MYOM1: variants seen among roughly 807,000 people sequenced by gnomAD.
MYOM1 encodes the protein myomesin-1.
Under a neutral mutation model 205.3 loss-of-function variants are expected in MYOM1, and 164 were observed. The observed-to-expected ratio is 0.80, with a 90% CI of 0.70 to 0.91. The LOEUF (loss-of-function observed/expected upper bound fraction) is 0.91, where lower values mean the gene tolerates loss of function less well. Among genes scored for constraint, MYOM1 ranks in the 40% least tolerant of loss-of-function variants. The probability of loss-of-function intolerance (pLI) is 0.00; values close to 1 mark genes in which losing one functional copy is unlikely to be tolerated. For synonymous variants in MYOM1, 772 were observed against 789.4 expected, an observed-to-expected ratio of 0.98 and a Z score of 0.37; for missense variants, 2,011 against 2,127.3, an observed-to-expected ratio of 0.95 and a Z score of 1.08.
intron 2 of MYOM1, among the ~76,000 whole-genome samples, chr18:3,207,697 C>A (rs1452866238): frequency 6.6e-6 from 1 of 152,232 alleles, no homozygotes; most frequent in Admixed American, 6.5e-5. Context: ...CCAGTGCCGA[C>A]ACTATGGAGG....
chr18:3,165,748 T>G (rs1454884319), intron 9 of MYOM1, among the ~76,000 whole-genome samples: 1 of 152,226 alleles, frequency 6.6e-6, no homozygotes, highest in Non-Finnish European at 1.5e-5. Context: ...CCAGGCAATC[T>G]GTCCCCACAC....
In MYOM1 at chr18:3,165,444, C is replaced by T. The variant is rs545781061; in HGVS notation, c.1340-1005G>A. Among the ~76,000 whole-genome samples the T allele has an allele frequency of 3.9e-5, 6 of 151,968 alleles. No homozygotes were observed. In the South Asian group the frequency reaches 1.0e-3, roughly 26 times the overall value. On this transcript the variant is annotated intron_variant, in intron 9 of 37. Coordinates refer to ENST00000356443, the MANE Select transcript of MYOM1 (RefSeq NM_003803.4). Reference sequence around the variant, plus strand: ...TAAGTGGTAATTTTAAAACTGTCTTCCTTGTTAATAATAGGCTTATCCAAA... The same window carrying T: ...TAAGTGGTAATTTTAAAACTGTCTTTCTTGTTAATAATAGGCTTATCCAAA...
chr18:3,097,998 A>C (rs76791440), intron 25 of MYOM1, among the ~76,000 whole-genome samples: 10,729 of 152,224 alleles, frequency 0.07, 391 homozygotes, highest in South Asian at 0.084. Context: ...CCAACCTTTA[A>C]GCTGAATGTA....
intron 12 of MYOM1, among the ~76,000 whole-genome samples, chr18:3,149,620 AGAG>A (rs1171037815): frequency 6.6e-6 from 1 of 152,234 alleles, no homozygotes; most frequent in East Asian, 1.9e-4. Flanking sequence ...ATAAGATGAA[AGAG>A]GAGAGGGGGT....
At chr18:3,143,992 G>A (rs1407865738) in intron 13 of MYOM1, among the ~76,000 whole-genome samples, 1 of 150,996 alleles carries the variant, frequency 6.6e-6, no homozygotes, top group East Asian at 1.9e-4. Flanking sequence ...GGATCACAAG[G>A]TCAGGAGATC....
At chr18:3,177,898 A>G (rs2080670956) in intron 5 of MYOM1, among the ~76,000 whole-genome samples, 1 of 152,244 alleles carries the variant, frequency 6.6e-6, no homozygotes, top group South Asian at 2.1e-4. Context: ...GACAAGTAAG[A>G]GCTGAAAGCC....
intron 2 of MYOM1, among the ~76,000 whole-genome samples, chr18:3,197,601 C>A (rs530864267): frequency 6.6e-6 from 1 of 151,924 alleles, no homozygotes; most frequent in South Asian, 2.1e-4. Context: ...AGGCTGGGCG[C>A]GGTGGCTCAC....
chr18:3,155,216 A>G (rs1212889396), intron 10 of MYOM1, 128 bp from the exon 11 acceptor site: 18 of 968,048 alleles, frequency 1.9e-5, no homozygotes, highest in Non-Finnish European at 2.4e-5. Context: ...CGCAGCAAGC[A>G]TCAAATCTTG....
intron 37 of MYOM1, among the ~76,000 whole-genome samples, chr18:3,070,767 T>C (rs2078950185): frequency 7.2e-6 from 1 of 138,612 alleles, no homozygotes; most frequent in South Asian, 2.3e-4. Context: ...TGTGTGTGTG[T>C]GTGTGTGCAC....
At chr18:3,145,107 G>A (rs1246588881) in intron 13 of MYOM1, among the ~76,000 whole-genome samples, 6 of 152,204 alleles carry the variant, frequency 3.9e-5, no homozygotes, top group Non-Finnish European at 7.4e-5. Context: ...TCAGGAGTTC[G>A]AGACCAGCCT....
chr18:3,090,948 G>C (rs990068363), intron 26 of MYOM1, 146 bp from the exon 27 acceptor site: 16 of 963,268 alleles, frequency 1.7e-5, no homozygotes, highest in Non-Finnish European at 2.3e-5. Context: ...TTGGGAGGTC[G>C]AGGTGGGAGG....
At chr18:3,137,936 G>A (rs1005438579) in intron 14 of MYOM1, among the ~76,000 whole-genome samples, 2 of 152,066 alleles carry the variant, frequency 1.3e-5, no homozygotes, top group African/African-American at 4.8e-5. Flanking sequence ...TATGTGCAAT[G>A]ATTGTGTATC....
intron 8 of MYOM1, among the ~76,000 whole-genome samples, chr18:3,172,631 T>C (rs1354310037): frequency 6.6e-6 from 1 of 152,110 alleles, no homozygotes; most frequent in Non-Finnish European, 1.5e-5. Flanking sequence ...TGCCTCAGCC[T>C]CCTGAGTAGC....
At chr18:3,241,323 T>C in the MYOM1 span, among the ~76,000 whole-genome samples, 38 of 152,294 alleles carry the variant, frequency 2.5e-4, no homozygotes, top group East Asian at 4.6e-3. Flanking sequence ...GTCCCTATGC[T>C]GCAGGCAGCC....
At position 3,091,032 on chromosome 18, in the gene MYOM1, T is replaced by C. The variant is rs111854711; in HGVS notation, c.3865-230A>G. On this transcript the variant is annotated intron_variant, in intron 26 of 37. Transcript: ENST00000356443. The stretch of plus-strand genomic sequence containing the variant: ...CCTTGTCTATATAAAAATAGAAAAA[T>C]AGGCTAGGCACAGTGGCTCACGCCT... Among the ~76,000 whole-genome samples the C allele has an allele frequency of 0.07, 10,664 of 151,742 alleles. 391 individuals are homozygous for C. The highest frequency in any genetic ancestry group is 0.082 in the South Asian group (396 of 4,810).
intron 17 of MYOM1, 93 bp downstream of exon 17, chr18:3,131,282 G>T: frequency 7.2e-7 from 1 of 1,386,166 alleles, no homozygotes; most frequent in Non-Finnish European, 1.0e-6. Flanking sequence ...CAGCAATATT[G>T]GAAGCTAAAT....
At chr18:3,172,631 T>G (rs1354310037) in intron 8 of MYOM1, among the ~76,000 whole-genome samples, 1 of 152,110 alleles carries the variant, frequency 6.6e-6, no homozygotes, top group South Asian at 2.1e-4. Flanking sequence ...TGCCTCAGCC[T>G]CCTGAGTAGC....
intron 8 of MYOM1, among the ~76,000 whole-genome samples, chr18:3,172,349 TG>T (rs367786136): frequency 6.6e-6 from 1 of 152,188 alleles, no homozygotes; most frequent in East Asian, 1.9e-4. Flanking sequence ...GAGAGTGAGT[TG>T]GGCTTTCAGT....
At chr18:3,185,705 T>C (rs2144133501) in intron 5 of MYOM1, among the ~76,000 whole-genome samples, 1 of 152,352 alleles carries the variant, frequency 6.6e-6, no homozygotes, top group African/African-American at 2.4e-5. Flanking sequence ...TTCATTTTTA[T>C]AGAAATATGT....
Sources: allele counts gnomAD v4.1 joint callset (sites outside exome capture counted in the v4.1 genomes callset), GRCh38; gene constraint gnomAD v4.1.1; transcripts MANE v1.5; gene names NCBI Gene and HGNC (gene_info 2026-07-23, HGNC 2026-07-21).